TNNT3: variants seen among roughly 807,000 people sequenced by gnomAD.
TNNT3 encodes troponin T3, fast skeletal type, also known as troponin T, fast skeletal muscle.
In TNNT3, 36 loss-of-function variants were observed where a neutral mutation model predicts 54.2. That is an observed-to-expected ratio of 0.66 (90% CI 0.51 to 0.88). TNNT3 has a LOEUF of 0.88. Ranked by LOEUF, TNNT3 falls within the 40% of genes least tolerant of loss-of-function variation. TNNT3 has a pLI of 0.00. For missense variants in TNNT3, 291 were observed against 331.6 expected (o/e 0.88, Z 0.95); for synonymous variants, 120 against 109.7 (o/e 1.09, Z -0.59).
intron 6 of TNNT3, 69 bp downstream of exon 6, chr11:1,926,778 C>T (rs1851738322): frequency 1.3e-6 from 2 of 1,598,798 alleles, no homozygotes; most frequent in African/African-American, 1.3e-5. Flanking sequence ...TTGCTTCCTC[C>T]CTCTTGCCCA....
In TNNT3 at chr11:1,926,570, C is replaced by G. The variant is rs7937265; in HGVS notation, c.68-125C>G. 0.18 allele frequency: 284,015 copies of G among 1,607,210 alleles called. 27,310 individuals are homozygous for G. Among genetic ancestry groups the G allele is most frequent in the Non-Finnish European group, 0.2 (236,991 of 1,174,614 alleles). ...AAGGAACAAGAGGGGCCGCGTAACCCTGCACAGCCTGGCCTGCTCGCTCCG... is the reference window on the plus strand; with the variant it reads ...AAGGAACAAGAGGGGCCGCGTAACCGTGCACAGCCTGGCCTGCTCGCTCCG... On this transcript the variant is annotated intron_variant, in intron 5 of 15. Transcript: ENST00000278317.
chr11:1,922,822 T>C, intron 1 of TNNT3, 35 bp from the exon 2 acceptor site: 5 of 410,180 alleles, frequency 1.2e-5, no homozygotes, highest in East Asian at 9.2e-5. Flanking sequence ...CTTTCCATCC[T>C]CTCTCTCTCT....
intron 8 of TNNT3, among the ~76,000 whole-genome samples, chr11:1,930,681 C>G (rs1853115563): frequency 6.6e-6 from 1 of 152,190 alleles, no homozygotes; most frequent in African/African-American, 2.4e-5. Context: ...ACTGTTGGCT[C>G]CCACTTGGGG....
At chr11:1,934,719 T>C in intron 13 of TNNT3, 64 bp downstream of exon 13, 3 of 1,598,952 alleles carry the variant, frequency 1.9e-6, no homozygotes, top group East Asian at 2.2e-5. Context: ...TGCCGACTGC[T>C]CCTCAGGCTG....
At chr11:1,925,208 C>G in intron 5 of TNNT3, 92 bp downstream of exon 5, 3 of 1,574,100 alleles carry the variant, frequency 1.9e-6, no homozygotes, top group Non-Finnish European at 2.6e-6. Context: ...CTAAGGATTG[C>G]TGTGTGCCCC....
rs140086507 is a variant in TNNT3, at chr11:1,922,820, C to CCT, written c.-18-18_-18-17dup. On this transcript the variant is annotated intron_variant, in intron 1 of 15. Transcript: ENST00000278317. ...AGGCAGCTCGTAACTCTCTTTCCAT[C>CCT]CTCTCTCTCTCTCTCTCTCTGAATC... The CCT allele has an allele frequency of 0.014, 19,998 of 1,450,634 alleles. 991 individuals are homozygous for CCT. The African/African-American group carries it at 0.21, about 15-fold the overall frequency. 89.9% of individuals were successfully genotyped at this position (1,450,634 alleles called of 1,614,324 possible). A position where few individuals can be genotyped will look rare whatever the true frequency, so the allele number is the denominator to read the frequency against.
chr11:1,936,866 G>C (rs1035894452), intron 14 of TNNT3, 97 bp from the exon 15 acceptor site: 2 of 1,350,952 alleles, frequency 1.5e-6, no homozygotes, highest in Non-Finnish European at 2.1e-6. Context: ...CCTGGGTCGC[G>C]CAGCCCAGCC....
chr11:1,926,856 C>T, intron 6 of TNNT3, 147 bp downstream of exon 6: 1 of 1,086,098 alleles, frequency 9.2e-7, no homozygotes. Flanking sequence ...AGAGTGAGGA[C>T]CCTGGCTTGG....
chr11:1,931,484 C>T lies in TNNT3; in HGVS notation c.126-985C>T, dbSNP rs549710603. Among the ~76,000 whole-genome samples, 120 of 152,322 alleles carry T rather than the reference C, an allele frequency of 7.9e-4. No individual in the cohort carries two copies. The South Asian group carries it at 0.013, about 16-fold the overall frequency. On this transcript the variant is annotated intron_variant, in intron 8 of 15. Coordinates refer to ENST00000278317, the MANE Select transcript of TNNT3 (RefSeq NM_006757.4). ...ATTGCAGCCTCTGATGGATGAGAAA[C>T]GGCACCTCATGATTCTTTGGCTTTG...
In TNNT3 at chr11:1,933,799, A is replaced by AAGG. The variant is rs764019640; in HGVS notation, c.262_264dup (p.Glu88dup). On this transcript the variant is annotated inframe_insertion, in exon 10 of 16. Coordinates refer to ENST00000278317, the MANE Select transcript of TNNT3 (RefSeq NM_006757.4). ...CGACAGCCACTTTGAAGCCCGGAAGAAGGAGGAGGAGGAGCTGGTCGCTCT... is the reference window on the plus strand; with the variant it reads ...CGACAGCCACTTTGAAGCCCGGAAGAAGGAGGAGGAGGAGGAGCTGGTCGCTCT... 25 of 1,612,698 alleles carry AAGG rather than the reference A, an allele frequency of 1.6e-5. No individual in the cohort carries two copies. Among genetic ancestry groups the AAGG allele is most frequent in the Non-Finnish European group, 2.1e-5 (25 of 1,179,892 alleles).
Position 1,926,686 on chromosome 11 carries a change from C to T in TNNT3, c.68-9C>T, listed in dbSNP as rs746162793. ...CGCCCTTTCTGCCACCATGACGCTG[C>T]TTCTGCAGAGGAAGTTCAAGAAGGT... On this transcript the variant is annotated splice_polypyrimidine_tract_variant and intron_variant, in intron 5 of 15. Transcript: ENST00000278317. 3.7e-6 allele frequency: 6 copies of T among 1,613,546 alleles called. 1 individual carries two copies. In the South Asian group the frequency reaches 6.6e-5, roughly 18 times the overall value.
chr11:1,927,369 G>C (rs750667640), intron 6 of TNNT3, among the ~76,000 whole-genome samples: 1 of 152,210 alleles, frequency 6.6e-6, no homozygotes, highest in Non-Finnish European at 1.5e-5. Context: ...GCTGTACTGG[G>C]TGGAGGTCAG....
At chr11:1,924,832 G>T in intron 4 of TNNT3, 1 of 601,430 alleles carries the variant, frequency 1.7e-6, no homozygotes, top group Admixed American at 2.8e-5. Flanking sequence ...CCAGGAGGGT[G>T]GGAGGGGCCT....
chr11:1,937,112 G>A, intron 15 of TNNT3, 109 bp downstream of exon 15: 3 of 1,243,326 alleles, frequency 2.4e-6, no homozygotes, highest in Non-Finnish European at 3.4e-6. Flanking sequence ...CGGCAGGGCA[G>A]TAACGAGACT....
chr11:1,936,814 G>A (rs2133529726), intron 14 of TNNT3, 149 bp from the exon 15 acceptor site: 1 of 781,918 alleles, frequency 1.3e-6, no homozygotes, highest in East Asian at 2.7e-5. Flanking sequence ...GGAGCCAGGA[G>A]ACAGTAAGGG....
At chr11:1,922,052 G>C (rs998888671) in intron 1 of TNNT3, among the ~76,000 whole-genome samples, 9 of 152,338 alleles carry the variant, frequency 5.9e-5, no homozygotes, top group Admixed American at 4.6e-4. Flanking sequence ...GAAATGGGGG[G>C]GCTGTTCTGT....
At chr11:1,936,834 G>A in intron 14 of TNNT3, 129 bp from the exon 15 acceptor site, 2 of 900,836 alleles carry the variant, frequency 2.2e-6, no homozygotes, top group Non-Finnish European at 1.8e-6. Context: ...GAGCCGAGGA[G>A]CCCTCATGGG....
At chr11:1,920,467 GCC>G (rs1589859715) in intron 1 of TNNT3, among the ~76,000 whole-genome samples, 1 of 150,584 alleles carries the variant, frequency 6.6e-6, no homozygotes, top group African/African-American at 2.4e-5. Context: ...GCTCGTAAGA[GCC>G]CCCACCCACC....
rs1407732521 is a variant in TNNT3 at position 1,934,355 on chromosome 11, G to A, written c.390G>A (p.Glu130=). Residue 130 remains glutamate (E), a synonymous_variant, in exon 12 of 16, where the codon GAG becomes GAA. Coordinates refer to ENST00000278317, the MANE Select transcript of TNNT3 (RefSeq NM_006757.4). ...AGGAGGAAAAGGCCAGAAGGGAGGA[G>A]GAGGATGCCAAGAGGAGGGCAGAGG... The part of the protein sequence containing the change: ...RLAEEKARRE[E]EDAKRRAEDD... 5 of 1,613,812 alleles carry A rather than the reference G, an allele frequency of 3.1e-6. No individual in the cohort carries two copies. Among genetic ancestry groups the A allele is most frequent in the Non-Finnish European group, 4.2e-6 (5 of 1,180,018 alleles).
Sources: allele counts gnomAD v4.1 joint callset (sites outside exome capture counted in the v4.1 genomes callset), GRCh38; gene constraint gnomAD v4.1.1; transcripts MANE v1.5; gene names NCBI Gene and HGNC (gene_info 2026-07-23, HGNC 2026-07-21).